SCAP: variants seen among roughly 807,000 people sequenced by gnomAD.
SCAP encodes sterol regulatory element-binding protein cleavage-activating protein.
Under a neutral mutation model 123.6 loss-of-function variants are expected in SCAP, and 65 were observed. The ratio of observed to expected loss-of-function variants is 0.53; its 90% confidence interval spans 0.43 to 0.65. SCAP has a LOEUF of 0.65. Among genes scored for constraint, SCAP ranks in the 30% least tolerant of loss-of-function variants. SCAP has a pLI of 0.00. For synonymous variants in SCAP, 740 were observed against 726.3 expected (o/e 1.02, Z -0.30); for missense variants, 1,398 against 1,712.5 (o/e 0.82, Z 3.24).
intron 2 of SCAP, among the ~76,000 whole-genome samples, chr3:47,437,945 G>A (rs147899928): frequency 1.3e-3 from 202 of 152,158 alleles, no homozygotes; most frequent in African/African-American, 4.6e-3. Flanking sequence ...TTTCCATAGC[G>A]GTTGTACAAA....
intron 16 of SCAP, 97 bp downstream of exon 16, chr3:47,418,037 T>C: frequency 1.4e-6 from 1 of 729,894 alleles, no homozygotes; most frequent in Non-Finnish European, 2.1e-6. Flanking sequence ...GGTTGGGGGA[T>C]ACCTCGGAGG....
At chr3:47,421,380 GC>G in intron 10 of SCAP, 1 of 256,658 alleles carries the variant, frequency 3.9e-6, no homozygotes. Flanking sequence ...TCCCCACTGA[GC>G]CCCCGCCCTG....
intron 9 of SCAP, 142 bp downstream of exon 9, chr3:47,423,791 T>C: frequency 4.6e-6 from 3 of 651,606 alleles, no homozygotes; most frequent in South Asian, 3.6e-5. Flanking sequence ...CAGGGCCCAG[T>C]GGCCCACTGC....
intron 1 of SCAP, among the ~76,000 whole-genome samples, chr3:47,448,281 C>T (rs955920215): frequency 6.6e-6 from 1 of 152,032 alleles, no homozygotes; most frequent in African/African-American, 2.4e-5. Flanking sequence ...ATTGCTAGTA[C>T]ATTGATTTTT....
chr3:47,414,412 G>A (rs1705466024), intron 21 of SCAP, 26 bp from the exon 22 acceptor site: 1 of 1,610,836 alleles, frequency 6.2e-7, no homozygotes, highest in Non-Finnish European at 8.5e-7. Flanking sequence ...AGGGGAGTGG[G>A]GTCACCATGG....
chr3:47,460,063 CAAG>C (rs1707573255), intron 1 of SCAP, among the ~76,000 whole-genome samples: 1 of 152,246 alleles, frequency 6.6e-6, no homozygotes, highest in African/African-American at 2.4e-5. Context: ...AGGCTCTCTG[CAAG>C]AAGAAAAATA....
Position 47,428,616 on chromosome 3 carries a change from A to G in SCAP, c.307T>C (p.Phe103Leu). 1 of 1,614,156 alleles carries G rather than the reference A, an allele frequency of 6.2e-7. No individual in the cohort carries two copies. The highest frequency in any genetic ancestry group is 8.5e-7 in the Non-Finnish European group (1 of 1,180,026). ...GCCAGGAGGTTCTTGTGCCAGGGAA[A>G]CACTGAGGACTTCACAAATATCTGC... is the stretch of plus-strand genomic sequence containing the variant. ...VQQIFVKSSV[F>L]PWHKNLLAVD... The change falls in exon 4 of 23, where the codon TTT becomes CTT. Residue 103 changes from phenylalanine to leucine, a missense_variant. This residue lies in a region of SCAP where 319 missense variants were observed against 432.4 expected (regional missense o/e 0.74). Transcript: ENST00000265565.
intron 2 of SCAP, among the ~76,000 whole-genome samples, chr3:47,442,112 T>C (rs114141882): frequency 1.5e-3 from 230 of 152,304 alleles, no homozygotes; most frequent in African/African-American, 5.2e-3. Flanking sequence ...AGCATAGCAC[T>C]GAAAACATCT....
chr3:47,472,440 CAA>C (rs1384851474), intron 1 of SCAP, among the ~76,000 whole-genome samples: 1 of 88,098 alleles, frequency 1.1e-5, no homozygotes. Context: ...GACTCCGTCT[CAA>C]AAAAAAAAAA....
chr3:47,440,453 C>T (rs887233996), intron 2 of SCAP, among the ~76,000 whole-genome samples: 4 of 151,910 alleles, frequency 2.6e-5, no homozygotes, highest in Non-Finnish European at 5.9e-5. Context: ...GAGACTTCAC[C>T]CAGCCTTGGA....
intron 9 of SCAP, 74 bp downstream of exon 9, chr3:47,423,859 C>T (rs980760482): frequency 5.2e-5 from 55 of 1,057,384 alleles, no homozygotes; most frequent in South Asian, 1.2e-4. Context: ...GCTCACAGAG[C>T]GTTAACAGCA....
chr3:47,459,187 CAG>C (rs1032826375), intron 1 of SCAP, among the ~76,000 whole-genome samples: 3 of 152,198 alleles, frequency 2.0e-5, no homozygotes, highest in African/African-American at 4.8e-5. Flanking sequence ...GGCCCATGGA[CAG>C]AGTGTCCTCA....
chr3:47,442,460 G>A (rs778956451), intron 2 of SCAP, among the ~76,000 whole-genome samples: 3 of 152,202 alleles, frequency 2.0e-5, no homozygotes, highest in Non-Finnish European at 2.9e-5. Flanking sequence ...AGGTTAGCCT[G>A]CCACAGGTTG....
chr3:47,441,898 T>TG (rs1706821729), intron 2 of SCAP, among the ~76,000 whole-genome samples: 1 of 145,396 alleles, frequency 6.9e-6, no homozygotes, highest in Admixed American at 6.9e-5. Flanking sequence ...TTTTTTTTTT[T>TG]GGTCTTGCTA....
At chr3:47,461,174 C>G (rs1707626504) in intron 1 of SCAP, among the ~76,000 whole-genome samples, 1 of 152,194 alleles carries the variant, frequency 6.6e-6, no homozygotes, top group Non-Finnish European at 1.5e-5. Context: ...AAGGGTGGTA[C>G]TCTGGGCTCA....
chr3:47,414,164 T>TC lies in SCAP; in HGVS notation c.3594+15dup, dbSNP rs769512736. 3 of 1,613,440 alleles carry TC rather than the reference T, an allele frequency of 1.9e-6. No individual in the cohort carries two copies. Among genetic ancestry groups the TC allele is most frequent in the Non-Finnish European group, 2.5e-6 (3 of 1,180,022 alleles). Reference sequence around the variant, plus strand: ...CCCTAAAATCCCAAGAATCCTATGATCCCCATCCCCTCTACCTGCTGAATG... The same window carrying TC: ...CCCTAAAATCCCAAGAATCCTATGATCCCCCATCCCCTCTACCTGCTGAATG... On this transcript the variant is annotated intron_variant, in intron 22 of 22. Transcript: ENST00000265565.
chr3:47,469,380 T>C (rs964974076), intron 1 of SCAP, among the ~76,000 whole-genome samples: 3 of 152,144 alleles, frequency 2.0e-5, no homozygotes, highest in Non-Finnish European at 4.4e-5. Flanking sequence ...TGTTTGTTTG[T>C]TTTGAGAGTC....
chr3:47,435,579 T>TTCA (rs1377132878), intron 2 of SCAP, among the ~76,000 whole-genome samples: 2 of 151,098 alleles, frequency 1.3e-5, no homozygotes, highest in African/African-American at 4.9e-5. Context: ...GAGACGGGGT[T>TTCA]TCATCATGTT....
In SCAP at chr3:47,415,097, C is replaced by A; in HGVS notation, c.3139+1G>T. ...CACCTGCCCACCCCAGGCCCTCCGA[C>A]CTCTAAACTGCAGGGGGCTGAGGGC... On this transcript the variant is annotated splice_donor_variant, in intron 19 of 22. Coordinates refer to ENST00000265565, the MANE Select transcript of SCAP (RefSeq NM_012235.4). LOFTEE classifies it high-confidence loss of function. The A allele has an allele frequency of 1.2e-6, 2 of 1,605,282 alleles. No individual in the cohort carries two copies. The highest frequency in any genetic ancestry group is 8.5e-7 in the Non-Finnish European group (1 of 1,177,134).
Sources: allele counts gnomAD v4.1 joint callset (sites outside exome capture counted in the v4.1 genomes callset), GRCh38; gene constraint gnomAD v4.1.1; regional missense constraint gnomAD v4.1.1; transcripts MANE v1.5; gene names NCBI Gene and HGNC (gene_info 2026-07-23, HGNC 2026-07-21).